Variants in PRKCI observed in about 807,000 individuals in gnomAD.
The protein encoded by PRKCI is protein kinase C iota type.
In PRKCI, 43 loss-of-function variants were observed where a neutral mutation model predicts 84.0. That is an observed-to-expected ratio of 0.51 (90% CI 0.40 to 0.66). The LOEUF is 0.66. Among genes scored for constraint, PRKCI ranks in the 30% least tolerant of loss-of-function variants. The pLI is 0.00. For synonymous variants in PRKCI, 216 were observed against 234.4 expected (o/e 0.92, Z 0.72); for missense variants, 459 against 745.6 (o/e 0.62, Z 4.48).
chr3:170,281,835 T>A, intron 10 of PRKCI, 47 bp from the exon 11 acceptor site: 1 of 1,539,126 alleles, frequency 6.5e-7, no homozygotes, highest in Non-Finnish European at 8.7e-7. Context: ...AAAGTTACAC[T>A]ACCTTATTTT....
At chr3:170,228,690 CTTATT>C (rs978985701) in intron 1 of PRKCI, among the ~76,000 whole-genome samples, 2 of 151,598 alleles carry the variant, frequency 1.3e-5, no homozygotes, top group Non-Finnish European at 2.9e-5. Context: ...TCACTCCCAC[CTTATT>C]TTATTTTATT....
intron 3 of PRKCI, among the ~76,000 whole-genome samples, chr3:170,261,077 C>T (rs1733713131): frequency 6.6e-6 from 1 of 151,986 alleles, no homozygotes; most frequent in Admixed American, 6.6e-5. Context: ...CCACCTCAGC[C>T]TCCTGAGTAA....
chr3:170,250,297 CA>C (rs138449228), intron 2 of PRKCI, among the ~76,000 whole-genome samples: 6,193 of 148,534 alleles, frequency 0.042, 404 homozygotes, highest in African/African-American at 0.14. Flanking sequence ...CTAGACTCCA[CA>C]TTCTTTAAAA....
At chr3:170,255,224 C>G (rs900322292) in intron 2 of PRKCI, among the ~76,000 whole-genome samples, 107 of 151,826 alleles carry the variant, frequency 7.0e-4, no homozygotes, top group African/African-American at 2.4e-3. Context: ...CCATGCCTGG[C>G]TAATTTTGTA....
At position 170,252,235 on chromosome 3, in the gene PRKCI, G is replaced by A. The variant is rs116326846; in HGVS notation, c.224-7734G>A. Among the ~76,000 whole-genome samples, 231 of 151,788 alleles carry A rather than the reference G, an allele frequency of 1.5e-3. 2 individuals are homozygous for A. Among genetic ancestry groups the A allele is most frequent in the African/African-American group, 5.4e-3 (224 of 41,340 alleles). ...TCTCAAAAAAAAAAAAAAGAAATTAGGAAAGATACCCTGTTGGTTGAATGA... is the reference window on the plus strand; with the variant it reads ...TCTCAAAAAAAAAAAAAAGAAATTAAGAAAGATACCCTGTTGGTTGAATGA... On this transcript the variant is annotated intron_variant, in intron 2 of 17. Transcript: ENST00000295797.
At position 170,236,871 on chromosome 3, in the gene PRKCI, AAAAAAAAAAG is replaced by A. The variant is rs1007608365; in HGVS notation, c.223+1524_223+1533del. ...CAAAGCAAGACCCTGTCTCAAAAAA[AAAAAAAAAAG>A]AAAGAAAAAGGGAAAAAGAAGCAAA... On this transcript the variant is annotated intron_variant, in intron 2 of 17. Transcript: ENST00000295797. Among the ~76,000 whole-genome samples the A allele has an allele frequency of 5.9e-5, 9 of 151,818 alleles. 1 individual carries two copies. In the South Asian group the frequency reaches 6.2e-4, roughly 11 times the overall value.
At chr3:170,224,631 C>A (rs528903981) in intron 1 of PRKCI, among the ~76,000 whole-genome samples, 2 of 152,334 alleles carry the variant, frequency 1.3e-5, no homozygotes, top group South Asian at 4.1e-4. Flanking sequence ...TCAAGCAATT[C>A]GCCTGCCTCA....
intron 2 of PRKCI, among the ~76,000 whole-genome samples, chr3:170,243,888 C>T (rs780972216): frequency 1.4e-4 from 21 of 152,228 alleles, no homozygotes; most frequent in African/African-American, 5.1e-4. Flanking sequence ...ATCTTTTACA[C>T]ACCAGGCTGT....
chr3:170,264,602 T>C (rs1033151096), intron 4 of PRKCI, among the ~76,000 whole-genome samples: 1 of 152,172 alleles, frequency 6.6e-6, no homozygotes, highest in Non-Finnish European at 1.5e-5. Context: ...TAAATGTCTT[T>C]AAATATTGCA....
intron 12 of PRKCI, among the ~76,000 whole-genome samples, chr3:170,291,264 A>G (rs1167705088): frequency 6.6e-6 from 1 of 152,228 alleles, no homozygotes; most frequent in Non-Finnish European, 1.5e-5. Context: ...TTCTACTAAT[A>G]TTAAAATTTT....
chr3:170,273,970 T>TA (rs575518187), intron 7 of PRKCI, among the ~76,000 whole-genome samples: 3,140 of 144,690 alleles, frequency 0.022, 90 homozygotes, highest in African/African-American at 0.063. Flanking sequence ...TGTCTCTATT[T>TA]AAAAAAAAAA....
intron 1 of PRKCI, among the ~76,000 whole-genome samples, chr3:170,228,614 T>TACACACAC (rs773440380): frequency 5.5e-5 from 7 of 127,160 alleles, no homozygotes; most frequent in African/African-American, 2.2e-4. Flanking sequence ...TATATATATA[T>TACACACAC]ATACACACAC....
In PRKCI at chr3:170,243,791, G is replaced by A. The variant is rs149601591; in HGVS notation, c.223+8440G>A. On this transcript the variant is annotated intron_variant, in intron 2 of 17. Transcript: ENST00000295797. The stretch of plus-strand genomic sequence containing the variant: ...CCAATTAGAAGATAGCTGACTTAGA[G>A]ATGTCCCCAGCTACTTCTCTTAGTT... Among the ~76,000 whole-genome samples, 25 of 152,322 alleles carry A rather than the reference G, an allele frequency of 1.6e-4. No individual in the cohort carries two copies. The East Asian group carries it at 4.4e-3, about 27-fold the overall frequency.
At chr3:170,294,958 CCAG>C (rs1330182866) in intron 14 of PRKCI, among the ~76,000 whole-genome samples, 1 of 151,990 alleles carries the variant, frequency 6.6e-6, no homozygotes, top group Admixed American at 6.6e-5. Flanking sequence ...ATCTGTAATC[CCAG>C]CACTTTGGGA....
Position 170,280,413 on chromosome 3 carries a change from G to A in PRKCI, c.882+10G>A, listed in dbSNP as rs1292750448. On this transcript the variant is annotated intron_variant, in intron 9 of 17. Coordinates refer to ENST00000295797, the MANE Select transcript of PRKCI (RefSeq NM_002740.6). ...TGTTAATGATGATGAGGTAAGCACTGCATATTTTATTGCTTCTAAACTGCT... is the reference window on the plus strand; with the variant it reads ...TGTTAATGATGATGAGGTAAGCACTACATATTTTATTGCTTCTAAACTGCT... 6.3e-7 allele frequency: 1 copy of A among 1,596,100 alleles called. No homozygotes were observed. Among genetic ancestry groups the A allele is most frequent in the Admixed American group, 1.8e-5 (1 of 57,020 alleles).
At chr3:170,298,385 T>A (rs993140580) in intron 16 of PRKCI, among the ~76,000 whole-genome samples, 6 of 151,310 alleles carry the variant, frequency 4.0e-5, no homozygotes, top group African/African-American at 1.2e-4. Flanking sequence ...TAAGCCATGG[T>A]ACCCAGCTAA....
intron 3 of PRKCI, among the ~76,000 whole-genome samples, chr3:170,261,157 A>G (rs1452946591): frequency 1.5e-5 from 2 of 136,472 alleles, no homozygotes; most frequent in Non-Finnish European, 3.1e-5. Flanking sequence ...TATAGATCGG[A>G]TATCACTATG....
chr3:170,304,345 A>G lies in PRKCI; in HGVS notation c.*1218A>G, dbSNP rs1734902202. On this transcript the variant is annotated 3_prime_UTR_variant, in exon 18 of 18. Transcript: ENST00000295797. ...ACTTGATTCAAATGAGGCACTCATT[A>G]TTGTTACCAAACTTGTAAAAGCATT... is the stretch of plus-strand genomic sequence containing the variant. 6.6e-6 allele frequency: 1 copy of G among 152,248 alleles called. No homozygotes were observed. Among genetic ancestry groups the G allele is most frequent in the Non-Finnish European group, 1.5e-5 (1 of 68,032 alleles). The allele number at this position is 152,248 out of a possible 1,614,324, so 9.4% of individuals were successfully genotyped here. A position where few individuals can be genotyped will look rare whatever the true frequency, so the allele number is the denominator to read the frequency against.
rs971405444 is a variant in PRKCI at position 170,295,210 on chromosome 3, C to CA, written c.1418-691dup. ...TGGGCAAGACAGTGACACTCTGTCT[C>CA]AAAAAAAAAAGAAAAAAGAAATTTA... On this transcript the variant is annotated intron_variant, in intron 14 of 17. Transcript: ENST00000295797. 3.9e-4 allele frequency among the ~76,000 whole-genome samples: 53 copies of CA among 135,988 alleles called. No individual in the cohort carries two copies. In the East Asian group the frequency reaches 4.4e-3, roughly 11 times the overall value. The allele number at this position is 135,988 out of a possible 152,430, so 89.2% of individuals were successfully genotyped here.
Sources: gnomAD v4.1 joint callset for allele counts (sites outside exome capture counted in the v4.1 genomes callset) on GRCh38, gnomAD v4.1.1 for gene constraint, MANE v1.5 for transcripts, NCBI Gene and HGNC (gene_info 2026-07-23, HGNC 2026-07-21) for gene names.